SIPA1L3: variants seen among roughly 807,000 people sequenced by gnomAD.
The protein encoded by SIPA1L3 is signal-induced proliferation-associated 1-like protein 3.
A neutral mutation model predicts 150.1 loss-of-function variants in SIPA1L3; 59 were observed. The observed-to-expected ratio is 0.39, with a 90% CI of 0.32 to 0.49. SIPA1L3 has a LOEUF of 0.49. Ranked by LOEUF, SIPA1L3 falls within the 20% of genes least tolerant of loss-of-function variation. The pLI is 0.86. For synonymous variants in SIPA1L3, 1,070 were observed against 1,077.6 expected, an observed-to-expected ratio of 0.99 and a Z score of 0.14; for missense variants, 2,211 against 2,489.5, an observed-to-expected ratio of 0.89 and a Z score of 2.38.
chr19:37,928,824 A>C (rs1261225696), intron 1 of SIPA1L3, among the ~76,000 whole-genome samples: 2 of 152,206 alleles, frequency 1.3e-5, no homozygotes, highest in African/African-American at 4.8e-5. Context: ...TATAACAAAG[A>C]AGCCTGTAGG....
At chr19:37,989,436 C>A (rs1024615445) in intron 1 of SIPA1L3, among the ~76,000 whole-genome samples, 1 of 152,116 alleles carries the variant, frequency 6.6e-6, no homozygotes, top group Non-Finnish European at 1.5e-5. Context: ...GTTGCCCAGG[C>A]TGGTCTTGAA....
At position 38,101,018 on chromosome 19, in the gene SIPA1L3, GC is replaced by G. The variant is rs755559781; in HGVS notation, c.1855-32del. On this transcript the variant is annotated intron_variant, in intron 5 of 21. Transcript: ENST00000222345. ...CCCTTCCCTCTGCCATCTCTGCCTG[GC>G]CTGCCTCCACAAAGCCACTCTTGCC... The G allele has an allele frequency of 3.3e-6, 5 of 1,502,590 alleles. No homozygotes were observed. In the East Asian group the frequency reaches 1.2e-4, roughly 36 times the overall value. 93.1% of individuals were successfully genotyped at this position (1,502,590 alleles called of 1,614,324 possible).
intron 6 of SIPA1L3, among the ~76,000 whole-genome samples, chr19:38,105,200 A>G (rs1194968347): frequency 6.6e-6 from 1 of 151,948 alleles, no homozygotes; most frequent in African/African-American, 2.4e-5. Flanking sequence ...TACTAAAAAT[A>G]CTAAAATTAC....
chr19:37,983,733 C>T (rs995306291), intron 1 of SIPA1L3, among the ~76,000 whole-genome samples: 25 of 151,790 alleles, frequency 1.6e-4, no homozygotes, highest in African/African-American at 5.6e-4. Flanking sequence ...TGGTGAAACC[C>T]CGTCTGTACA....
chr19:37,937,168 TAAC>T (rs1177121413), intron 1 of SIPA1L3, among the ~76,000 whole-genome samples: 1 of 152,170 alleles, frequency 6.6e-6, no homozygotes, highest in African/African-American at 2.4e-5. Flanking sequence ...TGGCCTGTAT[TAAC>T]TTTTTAAAGA....
chr19:37,996,210 G>A (rs902751151), intron 1 of SIPA1L3, among the ~76,000 whole-genome samples: 5 of 152,166 alleles, frequency 3.3e-5, no homozygotes, highest in Admixed American at 2.6e-4. Context: ...TTATAGGCGT[G>A]AGCCAGCACA....
intron 13 of SIPA1L3, among the ~76,000 whole-genome samples, chr19:38,158,103 G>A (rs1159107676): frequency 1.3e-5 from 2 of 152,038 alleles, no homozygotes; most frequent in Non-Finnish European, 2.9e-5. Context: ...CATAGTGGCG[G>A]GCACCTGTAA....
At chr19:38,044,251 G>A (rs1002416195) in intron 2 of SIPA1L3, among the ~76,000 whole-genome samples, 5 of 152,188 alleles carry the variant, frequency 3.3e-5, no homozygotes, top group Non-Finnish European at 5.9e-5. Context: ...CTGGGTGCCC[G>A]TCAGACAGCT....
intron 2 of SIPA1L3, among the ~76,000 whole-genome samples, chr19:38,049,437 G>A (rs912979630): frequency 6.6e-5 from 10 of 152,154 alleles, no homozygotes; most frequent in African/African-American, 2.2e-4. Flanking sequence ...AGTGTATGGC[G>A]TCTGGCAGCT....
chr19:38,200,643 T>G (rs1600209045), intron 19 of SIPA1L3: 1 of 152,308 alleles, frequency 6.6e-6, no homozygotes, highest in African/African-American at 2.4e-5. Context: ...TTAGATAATA[T>G]CATGGCCAGG....
At chr19:38,166,936 T>TA (rs879533284) in intron 15 of SIPA1L3, among the ~76,000 whole-genome samples, 1,439 of 142,746 alleles carry the variant, frequency 0.01, 23 homozygotes, top group African/African-American at 0.032. Context: ...ATATCTATGT[T>TA]AAAAAAAAAA....
At chr19:37,989,281 A>G (rs111347684) in intron 1 of SIPA1L3, among the ~76,000 whole-genome samples, 3,593 of 151,172 alleles carry the variant, frequency 0.024, 135 homozygotes, top group African/African-American at 0.08. Context: ...GTGCAGTAGC[A>G]CAGTCATAGC....
chr19:37,991,247 A>G lies in SIPA1L3; in HGVS notation c.-378-37842A>G, dbSNP rs1338285285. ...ACTCTGTCTCAAAAAAGAAAGAAAGAAAGAAAGAAAGTGCTTATTGGCCTT... is the reference window on the plus strand; with the variant it reads ...ACTCTGTCTCAAAAAAGAAAGAAAGGAAGAAAGAAAGTGCTTATTGGCCTT... On this transcript the variant is annotated intron_variant, in intron 1 of 21. Coordinates refer to ENST00000222345, the MANE Select transcript of SIPA1L3 (RefSeq NM_015073.3). 2.6e-5 allele frequency among the ~76,000 whole-genome samples: 4 copies of G among 152,168 alleles called. No individual in the cohort carries two copies. The East Asian group carries it at 7.7e-4, about 29-fold the overall frequency.
At chr19:38,124,385 C>T (rs1600103596) in intron 9 of SIPA1L3, among the ~76,000 whole-genome samples, 2 of 148,588 alleles carry the variant, frequency 1.3e-5, no homozygotes, top group Non-Finnish European at 3.0e-5. Context: ...CAGAGGCGCT[C>T]CCCACATCTC....
intron 2 of SIPA1L3, among the ~76,000 whole-genome samples, chr19:38,073,231 C>T (rs1969761047): frequency 6.6e-6 from 1 of 152,162 alleles, no homozygotes; most frequent in South Asian, 2.1e-4. Flanking sequence ...CTGTGGCCAC[C>T]AGCTTGTGAC....
At chr19:38,058,097 G>C (rs1236050271) in intron 2 of SIPA1L3, among the ~76,000 whole-genome samples, 1 of 152,176 alleles carries the variant, frequency 6.6e-6, no homozygotes, top group Non-Finnish European at 1.5e-5. Flanking sequence ...GGCTCCTGGA[G>C]AGCCATTTTC....
Position 38,118,931 on chromosome 19 carries a change from A to G in SIPA1L3, c.2292-375A>G, listed in dbSNP as rs1970953376. On this transcript the variant is annotated intron_variant, in intron 8 of 21. Coordinates refer to ENST00000222345, the MANE Select transcript of SIPA1L3 (RefSeq NM_015073.3). ...GGAAACTGGCCGCGTGTGGTGGCTCACAGCTGTAATCCCAACACTTTGGGA... is the reference window on the plus strand; with the variant it reads ...GGAAACTGGCCGCGTGTGGTGGCTCGCAGCTGTAATCCCAACACTTTGGGA... 3.3e-5 allele frequency among the ~76,000 whole-genome samples: 5 copies of G among 152,234 alleles called. No homozygotes were observed. In the South Asian group the frequency reaches 1.0e-3, roughly 32 times the overall value.
At chr19:38,121,642 GGCAGGAGAATGGCGTGAAC>G (rs1363199197) in intron 9 of SIPA1L3, among the ~76,000 whole-genome samples, 1 of 152,070 alleles carries the variant, frequency 6.6e-6, no homozygotes, top group Non-Finnish European at 1.5e-5. Flanking sequence ...GGGAGGCTGA[GGCAGGAGAATGGCGTGAAC>G]CTGGGAGGCG....
chr19:38,027,391 G>A (rs938335232), intron 1 of SIPA1L3, among the ~76,000 whole-genome samples: 14 of 152,168 alleles, frequency 9.2e-5, no homozygotes, highest in African/African-American at 3.1e-4. Context: ...GCTTCTCCAG[G>A]AACCCCAGGG....
Sources: allele counts gnomAD v4.1 joint callset (sites outside exome capture counted in the v4.1 genomes callset), GRCh38; gene constraint gnomAD v4.1.1; transcripts MANE v1.5; gene names NCBI Gene and HGNC (gene_info 2026-07-23, HGNC 2026-07-21).